ITPK1: variants seen among roughly 807,000 people sequenced by gnomAD.
The protein encoded by ITPK1 is inositol-tetrakisphosphate 1-kinase.
A neutral mutation model predicts 45.3 loss-of-function variants in ITPK1; 21 were observed. The observed-to-expected ratio is 0.46, with a 90% CI of 0.33 to 0.67. The LOEUF (loss-of-function observed/expected upper bound fraction) is 0.67, where lower values mean the gene tolerates loss of function less well. Among genes scored for constraint, ITPK1 ranks in the 30% least tolerant of loss-of-function variants. The probability of loss-of-function intolerance (pLI) is 0.02; values close to 1 mark genes in which losing one functional copy is unlikely to be tolerated. For missense variants in ITPK1, 474 were observed against 573.5 expected (o/e 0.83, Z 1.77); for synonymous variants, 258 against 253.6 (o/e 1.02, Z -0.16).
intron 2 of ITPK1, among the ~76,000 whole-genome samples, chr14:93,091,196 C>A (rs1376300748): frequency 6.6e-6 from 1 of 152,222 alleles, no homozygotes; most frequent in African/African-American, 2.4e-5. Flanking sequence ...ATTAGCTTCC[C>A]AAATACAGAT....
chr14:92,975,723 AAGCTGGG>A (rs755571931), intron 5 of ITPK1, among the ~76,000 whole-genome samples: 4 of 152,210 alleles, frequency 2.6e-5, no homozygotes, highest in Non-Finnish European at 2.9e-5. Flanking sequence ...CTCCCTGTTC[AAGCTGGG>A]ACATCAGTCT....
intron 3 of ITPK1, among the ~76,000 whole-genome samples, chr14:93,021,152 G>A (rs1888441647): frequency 1.3e-5 from 2 of 152,120 alleles, no homozygotes; most frequent in South Asian, 2.1e-4. Flanking sequence ...TGAGAGGGCT[G>A]AAGTCTGACT....
chr14:93,064,455 G>A (rs1310418645), intron 3 of ITPK1, among the ~76,000 whole-genome samples: 2 of 152,080 alleles, frequency 1.3e-5, no homozygotes, highest in African/African-American at 4.8e-5. Context: ...GAATCCAGGA[G>A]CTCTAAATGT....
At chr14:93,055,291 G>A (rs995810883) in intron 3 of ITPK1, among the ~76,000 whole-genome samples, 2 of 152,164 alleles carry the variant, frequency 1.3e-5, no homozygotes, top group Non-Finnish European at 1.5e-5. Context: ...GTGTCTTTTG[G>A]TGGACACAGC....
chr14:92,983,142 CTGGCTCAGACAGAGACAGGCATT>C (rs1886311382), intron 5 of ITPK1, among the ~76,000 whole-genome samples: 1 of 152,200 alleles, frequency 6.6e-6, no homozygotes, highest in Admixed American at 6.5e-5. Flanking sequence ...GAGCCAGACA[CTGGCTCAGACAGAGACAGGCATT>C]TCTGCGCCCG....
At chr14:93,027,896 C>T (rs1426650409) in intron 3 of ITPK1, among the ~76,000 whole-genome samples, 1 of 152,226 alleles carries the variant, frequency 6.6e-6, no homozygotes, top group East Asian at 1.9e-4. Context: ...CCTGGCTCTC[C>T]TCTCTCCAAC....
rs1409453160 is a variant in ITPK1, at chr14:93,036,371, G to A, written c.121-19570C>T. Among the ~76,000 whole-genome samples, 1 of 152,192 alleles carries A rather than the reference G, an allele frequency of 6.6e-6. No individual in the cohort carries two copies. The highest frequency in any genetic ancestry group is 2.4e-5 in the African/African-American group (1 of 41,440). On this transcript the variant is annotated intron_variant, in intron 3 of 10. Transcript: ENST00000267615. This position sits in a 1 kb window ranked among gnomAD's most constrained non-coding sequence, Gnocchi z 4.1. ...AGAAGAACTGCAAACATCTCACTGA[G>A]GTTTAAGATAAACCAAAGATGCTGA...
At chr14:93,066,374 T>A (rs377604351) in intron 3 of ITPK1, 2 of 401,550 alleles carry the variant, frequency 5.0e-6, no homozygotes, top group East Asian at 1.6e-4. Flanking sequence ...GAAAGCAGGG[T>A]AGGTGTCACT....
Position 92,938,685 on chromosome 14 carries a change from C to T in ITPK1, c.*2876G>A, listed in dbSNP as rs143650223. On this transcript the variant is annotated 3_prime_UTR_variant, in exon 11 of 11. Transcript: ENST00000267615. ...GCTGGGTGACTGCAGGCCCAGCCCA[C>T]CCACCACGTGTGGACCCAGACACCT... The T allele has an allele frequency of 5.8e-3, 3,762 of 652,492 alleles. 58 individuals are homozygous for T. Among genetic ancestry groups the T allele is most frequent in the East Asian group, 0.034 (1,237 of 36,736 alleles). 40.4% of individuals were successfully genotyped at this position (652,492 alleles called of 1,614,324 possible). A position where few individuals can be genotyped will look rare whatever the true frequency, so the allele number is the denominator to read the frequency against.
intron 10 of ITPK1, among the ~76,000 whole-genome samples, chr14:92,943,777 G>T (rs1282150390): frequency 6.6e-6 from 1 of 152,254 alleles, no homozygotes; most frequent in African/African-American, 2.4e-5. Flanking sequence ...TACCAGCACT[G>T]TGCAAAAGCC....
chr14:92,976,326 A>G (rs1566710021), intron 5 of ITPK1, among the ~76,000 whole-genome samples: 1 of 152,192 alleles, frequency 6.6e-6, no homozygotes, highest in Non-Finnish European at 1.5e-5. Context: ...AGCCTCACAG[A>G]TAAATAGAAT....
chr14:93,108,247 C>T (rs1433316923), intron 2 of ITPK1, among the ~76,000 whole-genome samples: 1 of 152,236 alleles, frequency 6.6e-6, no homozygotes, highest in Non-Finnish European at 1.5e-5. Context: ...CTCTTGAATG[C>T]TTTGCTTCCT....
Position 93,115,263 on chromosome 14 carries a change from C to G in ITPK1, c.-100G>C, listed in dbSNP as rs769181012. 1.8e-5 allele frequency: 13 copies of G among 728,246 alleles called. No individual in the cohort carries two copies. In the South Asian group the frequency reaches 1.9e-4, roughly 11 times the overall value. 45.1% of individuals were successfully genotyped at this position (728,246 alleles called of 1,614,324 possible). On this transcript the variant is annotated 5_prime_UTR_variant, in exon 2 of 11. Coordinates refer to ENST00000267615, the MANE Select transcript of ITPK1 (RefSeq NM_014216.6). ...CGAGCGAGTGGGCACCTCCTCCCGG[C>G]GGCGGGGACGCGGAACGGGGATCGG...
At chr14:92,991,010 A>AG (rs908502345) in intron 5 of ITPK1, among the ~76,000 whole-genome samples, 16 of 146,072 alleles carry the variant, frequency 1.1e-4, no homozygotes, top group African/African-American at 7.5e-5. Flanking sequence ...CTGCCGGGGC[A>AG]GGGGGGGTGA....
chr14:92,954,443 C>T (rs1001692094), intron 8 of ITPK1, among the ~76,000 whole-genome samples: 3 of 152,174 alleles, frequency 2.0e-5, no homozygotes, highest in Non-Finnish European at 4.4e-5. Context: ...CAGACCAGGG[C>T]GTTGCTCCCA....
chr14:93,060,187 C>A (rs369877050), intron 3 of ITPK1, among the ~76,000 whole-genome samples: 1 of 152,132 alleles, frequency 6.6e-6, no homozygotes, highest in Middle Eastern at 3.2e-3. Context: ...ACCTTACCTG[C>A]GGCCCAAGAA....
chr14:93,108,471 G>A (rs1892612691), intron 2 of ITPK1, among the ~76,000 whole-genome samples: 1 of 152,222 alleles, frequency 6.6e-6, no homozygotes, highest in Non-Finnish European at 1.5e-5. Flanking sequence ...GGATGGCCCA[G>A]TGGTTAGAAA....
chr14:92,958,736 A>G lies in ITPK1; in HGVS notation c.505-370T>C, dbSNP rs1263246616. 6.6e-6 allele frequency among the ~76,000 whole-genome samples: 1 copy of G among 152,150 alleles called. No individual in the cohort carries two copies. Among genetic ancestry groups the G allele is most frequent in the South Asian group, 2.1e-4 (1 of 4,828 alleles). On this transcript the variant is annotated intron_variant, in intron 7 of 10. Coordinates refer to ENST00000267615, the MANE Select transcript of ITPK1 (RefSeq NM_014216.6). This position sits in a 1 kb window ranked among gnomAD's most constrained non-coding sequence, Gnocchi z 4.4. ...TCTGACATCCTAAAGGATCCTCCAC[A>G]AAGACCCGGGAGGAGGAAGGAAGCA...
At chr14:93,072,613 TTC>T (rs1891061258) in intron 3 of ITPK1, among the ~76,000 whole-genome samples, 1 of 139,986 alleles carries the variant, frequency 7.1e-6, no homozygotes, top group Non-Finnish European at 1.5e-5. Flanking sequence ...TCAAATATTA[TTC>T]TTTTTTTTTT....
Sources: gnomAD v4.1 joint callset for allele counts (sites outside exome capture counted in the v4.1 genomes callset) on GRCh38, gnomAD v4.1.1 for gene constraint, Gnocchi (gnomAD v3.1) non-coding constraint, MANE v1.5 for transcripts, NCBI Gene and HGNC (gene_info 2026-07-23, HGNC 2026-07-21) for gene names.